The following ZC3H12B variants were observed in gnomAD, a reference collection of about 807,000 sequenced individuals.
ZC3H12B encodes probable ribonuclease ZC3H12B.
A neutral mutation model predicts 43.9 loss-of-function variants in ZC3H12B; 7 were observed. That is an observed-to-expected ratio of 0.16 (90% CI 0.09 to 0.30). The LOEUF (loss-of-function observed/expected upper bound fraction) is 0.30. Among genes scored for constraint, ZC3H12B ranks in the 10% least tolerant of loss-of-function variants. The probability of loss-of-function intolerance (pLI) is 1.00; values close to 1 mark genes in which losing one functional copy is unlikely to be tolerated. For synonymous variants in ZC3H12B, 222 were observed against 241.7 expected (o/e 0.92, Z 0.76); for missense variants, 475 against 670.2 (o/e 0.71, Z 3.22).
the ZC3H12B span, among the ~76,000 whole-genome samples, chrX:65,142,622 TAC>T: frequency 4.4e-5 from 5 of 112,786 alleles, no homozygotes; most frequent in Admixed American, 4.7e-4. Flanking sequence ...CCAGAATTTT[TAC>T]AGTTTGAGGT....
At chrX:65,043,075 ATAGG>A in the ZC3H12B span, among the ~76,000 whole-genome samples, 31 of 111,745 alleles carry the variant, frequency 2.8e-4, no homozygotes, top group Non-Finnish European at 5.7e-4. Flanking sequence ...TCTGATTGAC[ATAGG>A]TTGGGCTATA....
chrX:65,288,584 G>T, the ZC3H12B span, among the ~76,000 whole-genome samples: 1 of 111,795 alleles, frequency 8.9e-6, no homozygotes, highest in African/African-American at 3.2e-5. Flanking sequence ...TGCAGAAAAA[G>T]CACTTAATAA....
At chrX:65,201,661 TC>T in the ZC3H12B span, among the ~76,000 whole-genome samples, 23 of 105,567 alleles carry the variant, frequency 2.2e-4, no homozygotes, top group Non-Finnish European at 4.3e-4. Flanking sequence ...TCTCTCTCTC[TC>T]TCTCTCTCTC....
chrX:65,166,289 G>T, the ZC3H12B span, among the ~76,000 whole-genome samples: 2 of 111,029 alleles, frequency 1.8e-5, no homozygotes, highest in African/African-American at 6.6e-5. Flanking sequence ...GTGAGAACAT[G>T]CAGTGTTTGG....
chrX:65,285,365 AC>A, the ZC3H12B span, among the ~76,000 whole-genome samples: 3 of 110,155 alleles, frequency 2.7e-5, no homozygotes, highest in Non-Finnish European at 5.7e-5. Flanking sequence ...GCCTCAGGGA[AC>A]CCCAGGCATA....
At chrX:65,236,252 T>C in the ZC3H12B span, among the ~76,000 whole-genome samples, 1 of 111,969 alleles carries the variant, frequency 8.9e-6, no homozygotes, top group Non-Finnish European at 1.9e-5. Flanking sequence ...ACGAGGGACC[T>C]GTTCCTGTCT....
chrX:65,389,019 C>A (rs181059571), intron 2 of ZC3H12B, among the ~76,000 whole-genome samples: 1 of 111,733 alleles, frequency 8.9e-6, no homozygotes, highest in Non-Finnish European at 1.9e-5. Context: ...GAGGAGTAAG[C>A]GGCTGGGTGA....
At chrX:65,217,018 G>A in the ZC3H12B span, among the ~76,000 whole-genome samples, 2 of 111,711 alleles carry the variant, frequency 1.8e-5, no homozygotes, top group African/African-American at 6.5e-5. Flanking sequence ...ATAGGCTTCA[G>A]GAGCAACCCA....
chrX:65,182,633 C>G, the ZC3H12B span, among the ~76,000 whole-genome samples: 382 of 109,004 alleles, frequency 3.5e-3, 3 homozygotes, highest in African/African-American at 0.012. Flanking sequence ...GATAGACAAC[C>G]TACAGAATTG....
At chrX:65,214,362 C>A in the ZC3H12B span, among the ~76,000 whole-genome samples, 1 of 111,892 alleles carries the variant, frequency 8.9e-6, no homozygotes, top group South Asian at 3.7e-4. Context: ...TAGAGTCAAT[C>A]CTCTAAAATT....
chrX:65,105,249 G>C, the ZC3H12B span, among the ~76,000 whole-genome samples: 1 of 109,375 alleles, frequency 9.1e-6, no homozygotes, highest in African/African-American at 3.3e-5. Flanking sequence ...ATCAGGGCCT[G>C]TCGGGGGGTG....
At chrX:65,286,382 G>T in the ZC3H12B span, among the ~76,000 whole-genome samples, 1 of 111,373 alleles carries the variant, frequency 9.0e-6, no homozygotes, top group Non-Finnish European at 1.9e-5. Flanking sequence ...ATAAAGATGG[G>T]AACAACAGAC....
At chrX:65,229,632 T>C in the ZC3H12B span, among the ~76,000 whole-genome samples, 2 of 105,285 alleles carry the variant, frequency 1.9e-5, no homozygotes, top group Non-Finnish European at 3.9e-5. Flanking sequence ...CGCAACCTAC[T>C]CATCTGACAA....
At chrX:65,321,405 T>C in the ZC3H12B span, among the ~76,000 whole-genome samples, 1 of 111,667 alleles carries the variant, frequency 9.0e-6, no homozygotes, top group Non-Finnish European at 1.9e-5. Flanking sequence ...AATTAACAGG[T>C]GCTGGCAAGG....
At chrX:65,317,382 A>AT in the ZC3H12B span, among the ~76,000 whole-genome samples, 2 of 110,698 alleles carry the variant, frequency 1.8e-5, no homozygotes, top group East Asian at 2.8e-4. Context: ...ACTCTTTTAA[A>AT]TTTTTTTATT....
the ZC3H12B span, among the ~76,000 whole-genome samples, chrX:65,251,565 C>T: frequency 9.0e-6 from 1 of 111,483 alleles, no homozygotes; most frequent in Non-Finnish European, 1.9e-5. Flanking sequence ...TTCTTCCTAC[C>T]CATGATCATG....
the ZC3H12B span, among the ~76,000 whole-genome samples, chrX:65,295,543 G>C: frequency 9.0e-6 from 1 of 110,818 alleles, no homozygotes; most frequent in Non-Finnish European, 1.9e-5. Context: ...CAGAAGAAGA[G>C]TCATAACACA....
chrX:65,146,187 A>C, the ZC3H12B span, among the ~76,000 whole-genome samples: 1 of 109,582 alleles, frequency 9.1e-6, no homozygotes, highest in Non-Finnish European at 1.9e-5. Context: ...TTTCTTATTC[A>C]TTTTTCTTTG....
intron 3 of ZC3H12B, among the ~76,000 whole-genome samples, chrX:65,454,196 C>T (rs915528132): frequency 7.1e-5 from 8 of 112,813 alleles, no homozygotes; most frequent in South Asian, 3.6e-4. Flanking sequence ...CGAGGCATCA[C>T]CTCACCTGGG....
Sources: allele counts gnomAD v4.1 joint callset (sites outside exome capture counted in the v4.1 genomes callset), GRCh38; gene constraint gnomAD v4.1.1; transcripts MANE v1.5; gene names NCBI Gene and HGNC (gene_info 2026-07-23, HGNC 2026-07-21).